The following CDKAL1 variants were observed in gnomAD, a reference collection of about 807,000 sequenced individuals.
CDKAL1 encodes threonylcarbamoyladenosine tRNA methylthiotransferase.
CDKAL1 carries 32 observed loss-of-function variants against 68.2 expected under a neutral mutation model. That is an observed-to-expected ratio of 0.47 (90% CI 0.35 to 0.63). CDKAL1 has a LOEUF of 0.63. CDKAL1 is among the 30% of genes least tolerant of loss of function. The probability of loss-of-function intolerance (pLI) is 0.00; values close to 1 mark genes in which losing one functional copy is unlikely to be tolerated. For missense variants in CDKAL1, 606 were observed against 696.7 expected, an observed-to-expected ratio of 0.87 and a Z score of 1.47; for synonymous variants, 234 against 244.3, an observed-to-expected ratio of 0.96 and a Z score of 0.39.
At chr6:21,053,814 TGTC>T (rs1471846819) in intron 11 of CDKAL1, among the ~76,000 whole-genome samples, 2 of 152,180 alleles carry the variant, frequency 1.3e-5, no homozygotes, top group African/African-American at 4.8e-5. Flanking sequence ...ATCATTGTGT[TGTC>T]TTCCTGTTAG....
chr6:21,166,974 T>A (rs1238227051), intron 13 of CDKAL1, among the ~76,000 whole-genome samples: 1 of 152,212 alleles, frequency 6.6e-6, no homozygotes, highest in African/African-American at 2.4e-5. Context: ...CTGGGTGACC[T>A]TGAGTATGTC....
rs146712420 is a variant in CDKAL1, at chr6:21,082,942, C to T, written c.1236+17714C>T. ...AGGCTGGAGTGCAGCGGCACAGTCACGGCTCCCTGCAACCTCGACCTCCTG... is the reference window on the plus strand; with the variant it reads ...AGGCTGGAGTGCAGCGGCACAGTCATGGCTCCCTGCAACCTCGACCTCCTG... On this transcript the variant is annotated intron_variant, in intron 12 of 15. Transcript: ENST00000274695. Among the ~76,000 whole-genome samples, 398 of 149,062 alleles carry T rather than the reference C, an allele frequency of 2.7e-3. 4 individuals carry two copies. Among genetic ancestry groups the T allele is most frequent in the Non-Finnish European group, 8.9e-4 (60 of 67,544 alleles).
At chr6:21,120,829 C>T (rs1256123920) in intron 13 of CDKAL1, among the ~76,000 whole-genome samples, 1 of 152,066 alleles carries the variant, frequency 6.6e-6, no homozygotes. Flanking sequence ...CAGTTATTCA[C>T]CATATTTATT....
chr6:20,802,035 A>C (rs1238255292), intron 8 of CDKAL1, among the ~76,000 whole-genome samples: 2 of 152,070 alleles, frequency 1.3e-5, no homozygotes, highest in African/African-American at 4.8e-5. Context: ...AGTGGTGGCA[A>C]ACGCCTGTAA....
At chr6:20,815,647 T>A (rs1419314765) in intron 8 of CDKAL1, among the ~76,000 whole-genome samples, 1 of 152,172 alleles carries the variant, frequency 6.6e-6, no homozygotes, top group Non-Finnish European at 1.5e-5. Flanking sequence ...TTATTGGATT[T>A]TGTTCTGATT....
At chr6:21,221,327 C>G (rs1295523598) in intron 15 of CDKAL1, among the ~76,000 whole-genome samples, 2 of 151,986 alleles carry the variant, frequency 1.3e-5, no homozygotes, top group African/African-American at 4.8e-5. Context: ...CTCCTGGGCT[C>G]AAGTGATCCT....
intron 5 of CDKAL1, among the ~76,000 whole-genome samples, chr6:20,693,643 TTGCTTTCTCGCC>T (rs1770972690): frequency 6.6e-6 from 1 of 152,228 alleles, no homozygotes; most frequent in African/African-American, 2.4e-5. Context: ...AGCAGCAGCC[TTGCTTTCTCGCC>T]TATGGCTTTC....
chr6:21,015,278 A>G (rs1412497295), intron 11 of CDKAL1, among the ~76,000 whole-genome samples: 2 of 152,238 alleles, frequency 1.3e-5, no homozygotes, highest in East Asian at 3.8e-4. Flanking sequence ...ATTTTGATCA[A>G]TGAAATCAGT....
chr6:20,688,049 C>T (rs1298496479), intron 5 of CDKAL1, among the ~76,000 whole-genome samples: 1 of 151,466 alleles, frequency 6.6e-6, no homozygotes, highest in East Asian at 1.9e-4. Context: ...TTTACTTTAC[C>T]ACTCGCTTGT....
At chr6:20,804,340 G>A (rs1776480191) in intron 8 of CDKAL1, among the ~76,000 whole-genome samples, 2 of 152,222 alleles carry the variant, frequency 1.3e-5, no homozygotes, top group Non-Finnish European at 2.9e-5. Context: ...AATAGAATGA[G>A]AGAGGCAAGA....
chr6:20,970,995 C>T (rs1025608961), intron 10 of CDKAL1, among the ~76,000 whole-genome samples: 1 of 152,060 alleles, frequency 6.6e-6, no homozygotes, highest in African/African-American at 2.4e-5. Context: ...ACTACAGGCA[C>T]GTGCCACCAC....
intron 8 of CDKAL1, among the ~76,000 whole-genome samples, chr6:20,813,950 T>G (rs909357317): frequency 2.2e-4 from 34 of 152,078 alleles, no homozygotes; most frequent in Non-Finnish European, 1.2e-4. Context: ...TTTTGCAGTT[T>G]TTACAAAAAA....
chr6:21,177,072 A>G (rs1777613717), intron 13 of CDKAL1, among the ~76,000 whole-genome samples: 1 of 152,108 alleles, frequency 6.6e-6, no homozygotes, highest in Non-Finnish European at 1.5e-5. Flanking sequence ...AAAATCCACA[A>G]CTCTGCTATT....
chr6:21,014,265 G>A (rs756512176), intron 11 of CDKAL1, among the ~76,000 whole-genome samples: 12 of 152,198 alleles, frequency 7.9e-5, no homozygotes, highest in African/African-American at 2.9e-4. Flanking sequence ...GAAAGGAATG[G>A]ATATAAAGGG....
intron 9 of CDKAL1, among the ~76,000 whole-genome samples, chr6:20,864,208 G>A (rs2150528886): frequency 6.8e-6 from 1 of 147,170 alleles, no homozygotes; most frequent in South Asian, 2.2e-4. Flanking sequence ...TTGAAAATCT[G>A]TAATGTTTTT....
intron 10 of CDKAL1, among the ~76,000 whole-genome samples, chr6:20,958,909 C>A (rs951876255): frequency 1.3e-5 from 2 of 151,884 alleles, no homozygotes; most frequent in Non-Finnish European, 2.9e-5. Context: ...GAAAAAAAAC[C>A]AAACAGTTTA....
At chr6:20,765,098 A>G (rs1392797518) in intron 7 of CDKAL1, among the ~76,000 whole-genome samples, 2 of 151,828 alleles carry the variant, frequency 1.3e-5, no homozygotes, top group African/African-American at 4.8e-5. Context: ...CTATTTGATT[A>G]CAGTTTGGTA....
intron 9 of CDKAL1, among the ~76,000 whole-genome samples, chr6:20,852,334 T>C (rs911377136): frequency 6.6e-6 from 1 of 152,184 alleles, no homozygotes; most frequent in Non-Finnish European, 1.5e-5. Context: ...AGTCTACATG[T>C]TTCTAGGCAC....
In CDKAL1 at chr6:21,231,115, C is replaced by A; in HGVS notation, c.*76C>A. 1 of 1,180,176 alleles carries A rather than the reference C, an allele frequency of 8.5e-7. No homozygotes were observed. The highest frequency in any genetic ancestry group is 1.6e-5 in the South Asian group (1 of 61,972). The allele number at this position is 1,180,176 out of a possible 1,614,324, so 73.1% of individuals were successfully genotyped here. The stretch of plus-strand genomic sequence containing the variant: ...TCTTCAATGAACAGGAAAGCGACAT[C>A]TCCATTCTCCAAGGGCAATAATTTG... On this transcript the variant is annotated 3_prime_UTR_variant, in exon 16 of 16. Transcript: ENST00000274695.
Sources: gnomAD v4.1 joint callset for allele counts (sites outside exome capture counted in the v4.1 genomes callset) on GRCh38, gnomAD v4.1.1 for gene constraint, MANE v1.5 for transcripts, NCBI Gene and HGNC (gene_info 2026-07-23, HGNC 2026-07-21) for gene names.